Variants in FMN2 observed in about 807,000 individuals in gnomAD.
FMN2 encodes formin 2.
In FMN2, 51 loss-of-function variants were observed where a neutral mutation model predicts 142.3. The observed-to-expected ratio is 0.36, with a 90% CI of 0.29 to 0.45. FMN2 has a LOEUF of 0.45. Among genes scored for constraint, FMN2 ranks in the 20% least tolerant of loss-of-function variants. The pLI is 1.00. For missense variants in FMN2, 1,936 were observed against 2,122.8 expected, an observed-to-expected ratio of 0.91 and a Z score of 1.73; for synonymous variants, 882 against 869.8, an observed-to-expected ratio of 1.01 and a Z score of -0.25.
chr1:240,163,054 T>C (rs938838595), intron 2 of FMN2, among the ~76,000 whole-genome samples: 3 of 152,224 alleles, frequency 2.0e-5, no homozygotes, highest in African/African-American at 7.2e-5. Context: ...GACTTTGTTT[T>C]ATCTTCTTTT....
At chr1:240,267,698 A>G (rs994995000) in intron 7 of FMN2, among the ~76,000 whole-genome samples, 2 of 152,018 alleles carry the variant, frequency 1.3e-5, no homozygotes, top group Non-Finnish European at 1.5e-5. Flanking sequence ...GAATTTTGCT[A>G]TAGGCTAATT....
intron 11 of FMN2, among the ~76,000 whole-genome samples, chr1:240,332,609 A>T (rs1671417632): frequency 6.6e-6 from 1 of 152,168 alleles, no homozygotes; most frequent in Admixed American, 6.5e-5. Flanking sequence ...TGTTAGGTTA[A>T]ATTTCATTAA....
chr1:240,325,118 T>C (rs1470199596), intron 8 of FMN2, among the ~76,000 whole-genome samples: 1 of 151,954 alleles, frequency 6.6e-6, no homozygotes, highest in East Asian at 1.9e-4. Context: ...ACTGTATATC[T>C]AGGCTGAGGC....
At chr1:240,414,206 G>A (rs573235124) in intron 15 of FMN2, among the ~76,000 whole-genome samples, 1 of 152,264 alleles carries the variant, frequency 6.6e-6, no homozygotes, top group South Asian at 2.1e-4. Context: ...AGGTTGGATC[G>A]TCTGTGCCTT....
At chr1:240,337,197 C>CCTTTT (rs773465965) in intron 13 of FMN2, among the ~76,000 whole-genome samples, 2,892 of 136,820 alleles carry the variant, frequency 0.021, 129 homozygotes, top group African/African-American at 0.074. Flanking sequence ...AAAAATTATT[C>CCTTTT]CTTTTCTTTT....
At chr1:240,393,855 T>C (rs1673689032) in intron 15 of FMN2, among the ~76,000 whole-genome samples, 1 of 152,210 alleles carries the variant, frequency 6.6e-6, no homozygotes, top group Non-Finnish European at 1.5e-5. Flanking sequence ...TACACAATAG[T>C]CTGTTGCCAG....
chr1:240,368,210 G>A (rs1672747445), intron 14 of FMN2, among the ~76,000 whole-genome samples: 1 of 152,086 alleles, frequency 6.6e-6, no homozygotes, highest in South Asian at 2.1e-4. Flanking sequence ...GCCTCCTCTT[G>A]GTAGTTTATT....
At chr1:240,285,105 T>C (rs1379316494) in intron 7 of FMN2, 2 of 368,776 alleles carry the variant, frequency 5.4e-6, no homozygotes, top group East Asian at 1.6e-4. Context: ...TGTTTTTTGT[T>C]TGAAGAAACA....
intron 6 of FMN2, among the ~76,000 whole-genome samples, chr1:240,244,908 T>C (rs1231374060): frequency 6.6e-6 from 1 of 152,242 alleles, no homozygotes; most frequent in Non-Finnish European, 1.5e-5. Context: ...CAAGGTTTAC[T>C]TATTCAGCGG....
chr1:240,353,721 G>T (rs893169935), intron 13 of FMN2, among the ~76,000 whole-genome samples: 3 of 152,080 alleles, frequency 2.0e-5, no homozygotes, highest in Non-Finnish European at 2.9e-5. Flanking sequence ...TACTTCAAAG[G>T]GTTTTATGAG....
rs145284200 is a variant in FMN2, at chr1:240,174,386, G to T, written c.1783-3535G>T. Among the ~76,000 whole-genome samples, 291 of 152,234 alleles carry T rather than the reference G, an allele frequency of 1.9e-3. 2 individuals are homozygous for T. The highest frequency in any genetic ancestry group is 4.3e-3 in the Admixed American group (65 of 15,288). On this transcript the variant is annotated intron_variant, in intron 2 of 17. Coordinates refer to ENST00000319653, the MANE Select transcript of FMN2 (RefSeq NM_020066.5). ...TTCTGTTTTTTTGAGACAAGGTCTT[G>T]CTCTGTTGTCCAGGCTAGAGTGCAG...
intron 16 of FMN2, among the ~76,000 whole-genome samples, chr1:240,461,377 A>G (rs1364761816): frequency 6.6e-6 from 1 of 152,138 alleles, no homozygotes; most frequent in African/African-American, 2.4e-5. Flanking sequence ...AAGCTCTCCT[A>G]GCTCTGCATT....
rs369375066 is a variant in FMN2 at position 240,189,076 on chromosome 1, A to G, written c.1986+814A>G. On this transcript the variant is annotated intron_variant, in intron 4 of 17. Transcript: ENST00000319653. ...GCTACAAGATGAGATTTGGCTGGGGACACAGAGCCAAACCATATCAGTTAC... is the reference window on the plus strand; with the variant it reads ...GCTACAAGATGAGATTTGGCTGGGGGCACAGAGCCAAACCATATCAGTTAC... Among the ~76,000 whole-genome samples the G allele has an allele frequency of 1.2e-3, 180 of 152,174 alleles. 4 individuals are homozygous for G. The South Asian group carries it at 0.027, about 23-fold the overall frequency.
chr1:240,266,562 G>A (rs188336116), intron 7 of FMN2, among the ~76,000 whole-genome samples: 37 of 152,150 alleles, frequency 2.4e-4, no homozygotes, highest in African/African-American at 8.4e-4. Context: ...TTTTGGCTGT[G>A]TAATGTTCCG....
chr1:240,123,112 T>C, intron 1 of FMN2, 67 bp from the exon 2 acceptor site: 1 of 1,568,372 alleles, frequency 6.4e-7, no homozygotes, highest in East Asian at 2.2e-5. Flanking sequence ...CCAGCCGCTG[T>C]CCCCTGGCGA....
intron 7 of FMN2, among the ~76,000 whole-genome samples, chr1:240,261,821 G>C (rs1668643849): frequency 6.6e-6 from 1 of 152,106 alleles, no homozygotes; most frequent in Non-Finnish European, 1.5e-5. Context: ...CTGAGCTGCT[G>C]GCTATTTGGT....
rs915283681 is a variant in FMN2, at chr1:240,409,071, C to A, written c.4910+16509C>A. Among the ~76,000 whole-genome samples the A allele has an allele frequency of 3.3e-5, 5 of 152,192 alleles. No homozygotes were observed. In the East Asian group the frequency reaches 9.7e-4, roughly 29 times the overall value. On this transcript the variant is annotated intron_variant, in intron 15 of 17. Coordinates refer to ENST00000319653, the MANE Select transcript of FMN2 (RefSeq NM_020066.5). ...TTTGAAATATTTGTTTTGTCCGGTG[C>A]CCTATTTAAGTGGCTAAGCCGTGGT...
At chr1:240,256,698 C>A (rs2102895335) in intron 6 of FMN2, among the ~76,000 whole-genome samples, 1 of 152,188 alleles carries the variant, frequency 6.6e-6, no homozygotes, top group Middle Eastern at 3.4e-3. Context: ...CTGCAGTGAG[C>A]CGAGATCGTG....
intron 16 of FMN2, among the ~76,000 whole-genome samples, chr1:240,449,002 C>T (rs555136777): frequency 2.0e-5 from 3 of 151,916 alleles, no homozygotes; most frequent in Non-Finnish European, 2.9e-5. Context: ...TTTAGTTGGG[C>T]GTGGTGGCGC....
Sources: allele counts gnomAD v4.1 joint callset (sites outside exome capture counted in the v4.1 genomes callset), GRCh38; gene constraint gnomAD v4.1.1; transcripts MANE v1.5; gene names NCBI Gene and HGNC (gene_info 2026-07-23, HGNC 2026-07-21).